Variants in SNX2 observed in about 807,000 individuals in gnomAD.
SNX2 encodes sorting nexin-2.
A neutral mutation model predicts 69.9 loss-of-function variants in SNX2; 25 were observed. The observed-to-expected ratio is 0.36, with a 90% confidence interval of 0.26 to 0.50. The LOEUF is 0.50. Among genes scored for constraint, SNX2 ranks in the 20% least tolerant of loss-of-function variants. The pLI is 0.97. For synonymous variants in SNX2, 229 were observed against 200.4 expected (o/e 1.14, Z -1.20); for missense variants, 551 against 613.3 (o/e 0.90, Z 1.07).
At chr5:122,783,659 C>G (rs752883716) in intron 1 of SNX2, among the ~76,000 whole-genome samples, 1 of 152,144 alleles carries the variant, frequency 6.6e-6, no homozygotes, top group Non-Finnish European at 1.5e-5. Context: ...CTTTCCCAGT[C>G]TACACTGTCT....
rs1435912134 is a variant in SNX2 at position 122,830,709 on chromosome 5, G to C, written c.*1061G>C. On this transcript the variant is annotated 3_prime_UTR_variant, in exon 15 of 15. Coordinates refer to ENST00000379516, the MANE Select transcript of SNX2 (RefSeq NM_003100.4). ...CAGCTGTTATCTAATCCTTAATGCT[G>C]ATGAAAATTTAAGTCATGGCTGGGT... is the stretch of plus-strand genomic sequence containing the variant. Among the ~76,000 whole-genome samples, 1 of 152,026 alleles carries C rather than the reference G, an allele frequency of 6.6e-6. No individual in the cohort carries two copies. Among genetic ancestry groups the C allele is most frequent in the East Asian group, 1.9e-4 (1 of 5,188 alleles).
chr5:122,779,840 C>T (rs987778301), intron 1 of SNX2, among the ~76,000 whole-genome samples: 1 of 152,106 alleles, frequency 6.6e-6, no homozygotes, highest in Non-Finnish European at 1.5e-5. Flanking sequence ...AACCCATCAC[C>T]TAGGTATTAA....
At chr5:122,775,791 C>T (rs986174578) in intron 1 of SNX2, 12 of 984,078 alleles carry the variant, frequency 1.2e-5, no homozygotes, top group African/African-American at 3.5e-5. Context: ...TTTTGTTTGT[C>T]TTTAGTTCCT....
In SNX2 at chr5:122,817,232, A is replaced by G. The variant is rs764999024; in HGVS notation, c.913-48A>G. On this transcript the variant is annotated intron_variant, in intron 9 of 14. Transcript: ENST00000379516. ...GCTTGCTATTGGTAACCTAATTTAC[A>G]ATGGTTTGTTCTTCCTAAATTAGCT... The G allele has an allele frequency of 4.7e-5, 72 of 1,543,094 alleles. 1 individual carries two copies. In the Middle Eastern group the frequency reaches 6.7e-4, roughly 14 times the overall value.
Position 122,775,149 on chromosome 5 carries a change from A to G in SNX2, c.46A>G (p.Thr16Ala). The G allele has an allele frequency of 1.3e-6, 2 of 1,596,972 alleles. No individual in the cohort carries two copies. The highest frequency in any genetic ancestry group is 8.5e-7 in the Non-Finnish European group (1 of 1,173,440). ...EPPPLGDGKPTDFEDLEDGED... is the reference protein window; with the variant it reads ...EPPPLGDGKPADFEDLEDGED... The stretch of plus-strand genomic sequence containing the variant: ...TCCTCCGCTGGGGGACGGGAAGCCC[A>G]CCGACTTTGAGGATCTGGAGGACGG... Residue 16 changes from threonine to alanine, a missense_variant, in exon 1 of 15, where the codon ACC (threonine) becomes GCC (alanine). Thr to Ala is a moderately conservative substitution (Grantham distance 58). Around this residue, in one of 2 missense-constraint regions of SNX2, gnomAD observed 191 missense variants for 162.9 expected, o/e 1.17. Transcript: ENST00000379516.
chr5:122,833,457 ATTATT>A lies in SNX2; in HGVS notation c.*3813_*3817del, dbSNP rs1403438872. On this transcript the variant is annotated 3_prime_UTR_variant, in exon 15 of 15. Coordinates refer to ENST00000379516, the MANE Select transcript of SNX2 (RefSeq NM_003100.4). ...TTTAATAATCCAGTAGCTCCAAAAT[ATTATT>A]TTAATATGTAATCCAATATATTGAA... The A allele has an allele frequency of 6.6e-6, 1 of 152,176 alleles. No individual in the cohort carries two copies. The highest frequency in any genetic ancestry group is 1.5e-5 in the Non-Finnish European group (1 of 68,014). The allele number at this position is 152,176 out of a possible 1,614,324, so 9.4% of individuals were successfully genotyped here. A position where few individuals can be genotyped will look rare whatever the true frequency, so the allele number is the denominator to read the frequency against.
chr5:122,787,485 A>T (rs921725410), intron 1 of SNX2, among the ~76,000 whole-genome samples: 1 of 152,108 alleles, frequency 6.6e-6, no homozygotes, highest in Non-Finnish European at 1.5e-5. Flanking sequence ...GCACCACTGC[A>T]CACCAGCCTG....
chr5:122,827,366 T>G lies in SNX2; in HGVS notation c.1357-13T>G, dbSNP rs1561479164. The G allele has an allele frequency of 1.2e-6, 2 of 1,607,070 alleles. No individual in the cohort carries two copies. Among genetic ancestry groups the G allele is most frequent in the Non-Finnish European group, 1.7e-6 (2 of 1,174,098 alleles). ...TTTGAGATAAGCATAAAATATTTCTTTGTTTTTATTAGTGGGAGGCGAAAG... is the reference window on the plus strand; with the variant it reads ...TTTGAGATAAGCATAAAATATTTCTGTGTTTTTATTAGTGGGAGGCGAAAG... On this transcript the variant is annotated splice_polypyrimidine_tract_variant and intron_variant, in intron 12 of 14. Transcript: ENST00000379516.
chr5:122,801,992 A>T, intron 4 of SNX2, 57 bp downstream of exon 4: 1 of 1,530,216 alleles, frequency 6.5e-7, no homozygotes, highest in Non-Finnish European at 9.0e-7. Context: ...TTGGTTTTGT[A>T]TGGTTTTTCT....
At chr5:122,792,952 A>C (rs1204815260) in intron 1 of SNX2, among the ~76,000 whole-genome samples, 1 of 152,214 alleles carries the variant, frequency 6.6e-6, no homozygotes, top group East Asian at 1.9e-4. Flanking sequence ...AGAGTAGCGA[A>C]AGTGAAAAAA....
rs111934900 is a variant in SNX2, at chr5:122,829,618, A to G, written c.1530A>G (p.Ala510=). The G allele has an allele frequency of 4.3e-6, 7 of 1,613,518 alleles. No homozygotes were observed. The highest frequency in any genetic ancestry group is 2.7e-5 in the African/African-American group (2 of 75,022). ...TQQQLIKYWE[A]FLPEAKAIA ...CACAGCTGATAAAATACTGGGAAGCATTCCTACCTGAAGCCAAAGCCATTG... is the reference window on the plus strand; with the variant it reads ...CACAGCTGATAAAATACTGGGAAGCGTTCCTACCTGAAGCCAAAGCCATTG... Residue 510 remains alanine (A), a synonymous_variant, in exon 15 of 15, where the codon GCA becomes GCG. Coordinates refer to ENST00000379516, the MANE Select transcript of SNX2 (RefSeq NM_003100.4).
chr5:122,822,158 A>G (rs1287988198), intron 11 of SNX2, among the ~76,000 whole-genome samples: 4 of 152,094 alleles, frequency 2.6e-5, no homozygotes, highest in African/African-American at 7.2e-5. Flanking sequence ...CAGTGGTGCA[A>G]TCTTGGCTCA....
chr5:122,821,455 C>CTTT lies in SNX2; in HGVS notation c.1212+2432_1212+2433insTTT, dbSNP rs761842728. On this transcript the variant is annotated intron_variant, in intron 11 of 14. Coordinates refer to ENST00000379516, the MANE Select transcript of SNX2 (RefSeq NM_003100.4). ...TCTCCCTATCAACATAAGTAGATGT[C>CTTT]CTTTTTTTTTTTTTTTCGCAGACGG... Among the ~76,000 whole-genome samples, 2 of 138,140 alleles carry CTTT rather than the reference C, an allele frequency of 1.4e-5. 1 individual carries two copies. Among genetic ancestry groups the CTTT allele is most frequent in the Non-Finnish European group, 3.1e-5 (2 of 64,016 alleles). The allele number at this position is 138,140 out of a possible 152,430, so 90.6% of individuals were successfully genotyped here.
rs1754067050 is a variant in SNX2, at chr5:122,823,340, T to C, written c.1213-2710T>C. On this transcript the variant is annotated intron_variant, in intron 11 of 14. Coordinates refer to ENST00000379516, the MANE Select transcript of SNX2 (RefSeq NM_003100.4). ...CAAACGAAGAAAAAGTTAATTTGTA[T>C]ATTTAAGATTAATTTTTTTTTCCTG... Among the ~76,000 whole-genome samples, 2 of 109,360 alleles carry C rather than the reference T, an allele frequency of 1.8e-5. 1 individual carries two copies. The highest frequency in any genetic ancestry group is 3.6e-5 in the Non-Finnish European group (2 of 56,250). 71.7% of individuals were successfully genotyped at this position (109,360 alleles called of 152,430 possible).
Position 122,831,802 on chromosome 5 carries a change from T to G in SNX2, c.*2154T>G, listed in dbSNP as rs1754296628. On this transcript the variant is annotated 3_prime_UTR_variant, in exon 15 of 15. Transcript: ENST00000379516. The stretch of plus-strand genomic sequence containing the variant: ...ATTATTAAAATCTTCCATTCAGATG[T>G]GGTACATTAGAATATTCAGTACCTC... Among the ~76,000 whole-genome samples, 2 of 152,218 alleles carry G rather than the reference T, an allele frequency of 1.3e-5. No individual in the cohort carries two copies. The highest frequency in any genetic ancestry group is 1.3e-4 in the Admixed American group (2 of 15,276).
At chr5:122,790,881 GA>G (rs940116132) in intron 1 of SNX2, among the ~76,000 whole-genome samples, 13 of 152,264 alleles carry the variant, frequency 8.5e-5, no homozygotes, top group Non-Finnish European at 2.9e-5. Context: ...CATGCAGCTA[GA>G]ACTTTCAGTA....
Position 122,806,741 on chromosome 5 carries a change from A to T in SNX2, c.644-1536A>T, listed in dbSNP as rs370466025. Among the ~76,000 whole-genome samples, 22 of 152,268 alleles carry T rather than the reference A, an allele frequency of 1.4e-4. 1 individual carries two copies. Among genetic ancestry groups the T allele is most frequent in the African/African-American group, 5.1e-4 (21 of 41,554 alleles). ...GTGAGATTTTTTTTCAGGGAAATAGAGTTTGTGAAACAATTCACATCCCAA... is the reference window on the plus strand; with the variant it reads ...GTGAGATTTTTTTTCAGGGAAATAGTGTTTGTGAAACAATTCACATCCCAA... On this transcript the variant is annotated intron_variant, in intron 6 of 14. Coordinates refer to ENST00000379516, the MANE Select transcript of SNX2 (RefSeq NM_003100.4).
intron 7 of SNX2, among the ~76,000 whole-genome samples, chr5:122,809,697 A>G (rs1013142190): frequency 1.1e-4 from 16 of 152,204 alleles, no homozygotes; most frequent in Admixed American, 5.2e-4. Context: ...TCTCTAGGTC[A>G]CAAATTTTTT....
chr5:122,793,303 C>T, intron 1 of SNX2, among the ~76,000 whole-genome samples: 1 of 152,138 alleles, frequency 6.6e-6, no homozygotes, highest in East Asian at 1.9e-4. Flanking sequence ...GAGTGGTCTA[C>T]TACTACACAG....
Sources: gnomAD v4.1 joint callset for allele counts (sites outside exome capture counted in the v4.1 genomes callset) on GRCh38, gnomAD v4.1.1 for gene constraint, gnomAD v4.1.1 regional missense constraint, MANE v1.5 for transcripts, NCBI Gene and HGNC (gene_info 2026-07-23, HGNC 2026-07-21) for gene names.